Variants in MYO1E observed in about 807,000 individuals in gnomAD.
MYO1E encodes myosin IE, also known as unconventional myosin-Ie.
Under a neutral mutation model 151.1 loss-of-function variants are expected in MYO1E, and 68 were observed. That is an observed-to-expected ratio of 0.45 (90% CI 0.37 to 0.55). The LOEUF is 0.55. MYO1E is among the 20% of genes least tolerant of loss of function. The pLI is 0.00. For missense variants in MYO1E, 1,363 were observed against 1,389.3 expected (o/e 0.98, Z 0.30); for synonymous variants, 601 against 501.7 (o/e 1.20, Z -2.64).
chr15:59,263,680 G>A (rs974368553), intron 2 of MYO1E, among the ~76,000 whole-genome samples: 1 of 152,146 alleles, frequency 6.6e-6, no homozygotes, highest in Non-Finnish European at 1.5e-5. Flanking sequence ...GGTGGAACAT[G>A]AATTGCTATT....
intron 4 of MYO1E, among the ~76,000 whole-genome samples, chr15:59,254,830 CT>C (rs796861873): frequency 1.3e-3 from 188 of 149,612 alleles, no homozygotes; most frequent in South Asian, 3.6e-3. Context: ...GTAAGCAGAG[CT>C]TTTTTTTTTC....
chr15:59,316,540 A>T (rs1452634654), intron 1 of MYO1E, among the ~76,000 whole-genome samples: 2 of 152,260 alleles, frequency 1.3e-5, no homozygotes, highest in African/African-American at 4.8e-5. Context: ...AATAAAAGCC[A>T]GAAAGAATTC....
intron 15 of MYO1E, among the ~76,000 whole-genome samples, chr15:59,203,440 C>T (rs571181034): frequency 2.7e-5 from 4 of 149,494 alleles, no homozygotes; most frequent in East Asian, 2.0e-4. Context: ...AGTGCAGTGG[C>T]GCGATCTTGG....
At chr15:59,218,897 G>A (rs942834233) in intron 9 of MYO1E, among the ~76,000 whole-genome samples, 1 of 152,214 alleles carries the variant, frequency 6.6e-6, no homozygotes, top group Non-Finnish European at 1.5e-5. Flanking sequence ...GGTCTACAGT[G>A]TGTGGACTAG....
Position 59,243,018 on chromosome 15 carries a change from G to A in MYO1E, c.333-6346C>T, listed in dbSNP as rs145989977. On this transcript the variant is annotated intron_variant, in intron 4 of 27. Transcript: ENST00000288235. ...ATGTGGCTTCATGGGGGCCAACGGA[G>A]TTGGGATTAACCATGTCAATGTGTC... Among the ~76,000 whole-genome samples, 455 of 151,734 alleles carry A rather than the reference G, an allele frequency of 3.0e-3. 1 individual carries two copies. The highest frequency in any genetic ancestry group is 6.8e-3 in the Middle Eastern group (2 of 292).
intron 26 of MYO1E, among the ~76,000 whole-genome samples, chr15:59,152,677 G>A (rs887535726): frequency 6.6e-6 from 1 of 152,186 alleles, no homozygotes; most frequent in African/African-American, 2.4e-5. Flanking sequence ...CAAGTTTGCT[G>A]CAAGTTTGAT....
At chr15:59,191,942 A>G (rs544682067) in intron 17 of MYO1E, among the ~76,000 whole-genome samples, 4 of 152,342 alleles carry the variant, frequency 2.6e-5, no homozygotes, top group African/African-American at 9.6e-5. Context: ...AATGCAGGGC[A>G]AGCAACCTTG....
intron 12 of MYO1E, 21 bp from the exon 13 acceptor site, chr15:59,210,621 A>T: frequency 1.3e-6 from 2 of 1,515,454 alleles, no homozygotes; most frequent in Non-Finnish European, 9.2e-7. Flanking sequence ...GAGACAAGGA[A>T]CTCACATTAT....
intron 1 of MYO1E, among the ~76,000 whole-genome samples, chr15:59,310,953 A>G (rs1596411593): frequency 2.0e-5 from 3 of 152,272 alleles, no homozygotes; most frequent in Admixed American, 6.5e-5. Flanking sequence ...AAGCCCTCTC[A>G]AGTCTGGCCC....
rs769522139 is a variant in MYO1E at position 59,372,728 on chromosome 15, A to C, written c.-228T>G. The C allele has an allele frequency of 1.2e-4, 70 of 581,870 alleles. No homozygotes were observed. The highest frequency in any genetic ancestry group is 1.8e-4 in the Non-Finnish European group (61 of 334,322). The allele number at this position is 581,870 out of a possible 1,614,324, so 36.0% of individuals were successfully genotyped here. A position where few individuals can be genotyped will look rare whatever the true frequency, so the allele number is the denominator to read the frequency against. On this transcript the variant is annotated 5_prime_UTR_variant, in exon 1 of 28. An upstream start codon of the reference 5' UTR is lost. Coordinates refer to ENST00000288235, the MANE Select transcript of MYO1E (RefSeq NM_004998.4). The stretch of plus-strand genomic sequence containing the variant: ...GGCGGCGACTTAGCAGGCGGGGCGC[A>C]TGCTGCGGAGGGCAAGAGTCCACTC...
intron 26 of MYO1E, among the ~76,000 whole-genome samples, chr15:59,149,038 GTTTTTTTTTTTTTGTTTTTTTTT>G (rs1242171306): frequency 2.2e-5 from 2 of 89,558 alleles, no homozygotes; most frequent in Admixed American, 1.4e-4. Flanking sequence ...TGGATGAACT[GTTTTTTTTTTTTTGTTTTTTTTT>G]TTTTTTTTTT....
chr15:59,232,662 C>T (rs2080035476), intron 5 of MYO1E, among the ~76,000 whole-genome samples: 1 of 152,220 alleles, frequency 6.6e-6, no homozygotes, highest in Non-Finnish European at 1.5e-5. Context: ...AACAAGTCTT[C>T]TGGCTTGTGC....
intron 1 of MYO1E, among the ~76,000 whole-genome samples, chr15:59,315,566 A>AC (rs2080583192): frequency 6.6e-6 from 1 of 151,284 alleles, no homozygotes; most frequent in African/African-American, 2.4e-5. Flanking sequence ...AAAAAAAAAA[A>AC]GTCTAGTTCT....
At chr15:59,268,720 A>ATTTTTTTTTTTTTTTTTTT (rs398027512) in intron 2 of MYO1E, among the ~76,000 whole-genome samples, 3,391 of 44,808 alleles carry the variant, frequency 0.076, 1,279 homozygotes, top group Non-Finnish European at 0.11. Flanking sequence ...TGACTTTGGT[A>ATTTTTTTTTTTTTTTTTTT]TTTTTTTTTT....
At chr15:59,327,551 G>A (rs1410434987) in intron 1 of MYO1E, among the ~76,000 whole-genome samples, 2 of 152,024 alleles carry the variant, frequency 1.3e-5, no homozygotes, top group East Asian at 3.8e-4. Context: ...CTGGCCTTAA[G>A]CAATTCTCCT....
In MYO1E at chr15:59,223,174, A is replaced by T. The variant is rs759221488; in HGVS notation, c.795T>A (p.Ile265=). 6 of 1,614,048 alleles carry T rather than the reference A, an allele frequency of 3.7e-6. No individual in the cohort carries two copies. The highest frequency in any genetic ancestry group is 5.1e-6 in the Non-Finnish European group (6 of 1,180,040). ...FQETLHAMNV[I]GIFAEEQTLV... ...GCGTTTGCTCTTCTGCAAAGATCCC[A>T]ATCACATTCATGGCGTGCTGGAAGA... Residue 265 remains isoleucine, a synonymous_variant, in exon 9 of 28, where the codon ATT becomes ATA. Transcript: ENST00000288235.
chr15:59,168,474 G>C (rs1271475085), intron 22 of MYO1E, among the ~76,000 whole-genome samples: 1 of 152,036 alleles, frequency 6.6e-6, no homozygotes, highest in Non-Finnish European at 1.5e-5. Context: ...TGAACCTGGA[G>C]GGCGAGGCTG....
intron 2 of MYO1E, among the ~76,000 whole-genome samples, chr15:59,261,874 C>T (rs2080226197): frequency 6.6e-6 from 1 of 152,100 alleles, no homozygotes; most frequent in African/African-American, 2.4e-5. Flanking sequence ...TGCATTTTTT[C>T]CTTTGAACTT....
chr15:59,199,269 G>A (rs1216355299), intron 16 of MYO1E, among the ~76,000 whole-genome samples: 2 of 151,928 alleles, frequency 1.3e-5, no homozygotes, highest in Non-Finnish European at 2.9e-5. Context: ...GCTAATTTTT[G>A]TATTTTTAGT....
Sources: gnomAD v4.1 joint callset for allele counts (sites outside exome capture counted in the v4.1 genomes callset) on GRCh38, gnomAD v4.1.1 for gene constraint, MANE v1.5 for transcripts, NCBI Gene and HGNC (gene_info 2026-07-23, HGNC 2026-07-21) for gene names.